Variants in HM13 observed in about 807,000 individuals in gnomAD.
HM13 encodes the protein signal peptide peptidase.
A neutral mutation model predicts 50.0 loss-of-function variants in HM13; 18 were observed. The ratio of observed to expected loss-of-function variants is 0.36; its 90% CI spans 0.25 to 0.53. The LOEUF (loss-of-function observed/expected upper bound fraction) is 0.53. HM13 is among the 20% of genes least tolerant of loss of function. HM13 has a pLI of 0.90. For synonymous variants in HM13, 197 were observed against 232.6 expected (o/e 0.85, Z 1.39); for missense variants, 393 against 552.4 (o/e 0.71, Z 2.89).
Position 31,547,719 on chromosome 20 carries a change from A to G in HM13, c.455-1310A>G, listed in dbSNP as rs1048168687. ...TAAGTGGGGAATTATTGTTTTTTAGACAAAGAAAGGGGCCTTTTTGTCCAA... is the reference window on the plus strand; with the variant it reads ...TAAGTGGGGAATTATTGTTTTTTAGGCAAAGAAAGGGGCCTTTTTGTCCAA... On this transcript the variant is annotated intron_variant, in intron 4 of 12. Coordinates refer to ENST00000398174, the MANE Select transcript of HM13 (RefSeq NM_178581.3). 23 of 1,220,780 alleles carry G rather than the reference A, an allele frequency of 1.9e-5. No individual in the cohort carries two copies. In the African/African-American group the frequency reaches 3.4e-4, roughly 18 times the overall value. 75.6% of individuals were successfully genotyped at this position (1,220,780 alleles called of 1,614,324 possible). A position where few individuals can be genotyped will look rare whatever the true frequency, so the allele number is the denominator to read the frequency against.
At chr20:31,532,549 A>G (rs917477868) in intron 2 of HM13, among the ~76,000 whole-genome samples, 4 of 150,566 alleles carry the variant, frequency 2.7e-5, no homozygotes, top group African/African-American at 9.8e-5. Context: ...ATCCACCTCC[A>G]TTTCCCACCT....
chr20:31,516,265 C>G (rs1040534874), intron 1 of HM13, among the ~76,000 whole-genome samples: 5 of 152,170 alleles, frequency 3.3e-5, no homozygotes, highest in Admixed American at 6.6e-5. Context: ...CTGAGCTGCT[C>G]TCCAAACTGA....
At chr20:31,527,683 AAATAAAGAAGAAAGAAAAATTAAT>A (rs1473634754) in intron 2 of HM13, 101 bp downstream of exon 2, 17 of 842,196 alleles carry the variant, frequency 2.0e-5, no homozygotes, top group Non-Finnish European at 3.0e-5. Context: ...CATTTATAGA[AAATAAAGAAGAAAGAAAAATTAAT>A]AATTCACCCA....
chr20:31,546,788 C>T (rs577544307), intron 4 of HM13, among the ~76,000 whole-genome samples: 12 of 150,096 alleles, frequency 8.0e-5, no homozygotes, highest in Non-Finnish European at 1.5e-4. Context: ...CTTGGCCAGG[C>T]GCGGTGGCTC....
At position 31,516,614 on chromosome 20, in the gene HM13, G is replaced by C. The variant is rs112644631; in HGVS notation, c.183+1880G>C. 5.4e-3 allele frequency among the ~76,000 whole-genome samples: 823 copies of C among 152,272 alleles called. 5 individuals carry two copies. Among genetic ancestry groups the C allele is most frequent in the Non-Finnish European group, 9.1e-3 (620 of 68,022 alleles). The stretch of plus-strand genomic sequence containing the variant: ...AAGGCATTCTAAGCAAAAGAAACCA[G>C]GTAAGCAGAGAGAGGTACGGAGGCA... On this transcript the variant is annotated intron_variant, in intron 1 of 12. Coordinates refer to ENST00000398174, the MANE Select transcript of HM13 (RefSeq NM_178581.3).
chr20:31,560,733 G>T (rs147248471), intron 9 of HM13, among the ~76,000 whole-genome samples: 38 of 152,364 alleles, frequency 2.5e-4, no homozygotes, highest in African/African-American at 7.7e-4. Flanking sequence ...AGCATAAGCA[G>T]CTCCTCAGCT....
intron 2 of HM13, among the ~76,000 whole-genome samples, chr20:31,536,311 C>T (rs1195294907): frequency 6.6e-6 from 1 of 152,120 alleles, no homozygotes; most frequent in Non-Finnish European, 1.5e-5. Flanking sequence ...TGCAGTGAGC[C>T]AAGATCGCAC....
intron 7 of HM13, among the ~76,000 whole-genome samples, chr20:31,551,858 C>G (rs1984051172): frequency 6.6e-6 from 1 of 152,156 alleles, no homozygotes; most frequent in Non-Finnish European, 1.5e-5. Flanking sequence ...ACAAACAGCT[C>G]CTGAATTCTG....
intron 6 of HM13, 41 bp downstream of exon 6, chr20:31,549,373 CCATCT>C: frequency 6.2e-7 from 1 of 1,612,414 alleles, no homozygotes; most frequent in Non-Finnish European, 8.5e-7. Flanking sequence ...GGCTCCGGGG[CCATCT>C]CATCTCATCA....
chr20:31,541,553 T>TAA (rs1983452765), intron 3 of HM13: 1 of 151,200 alleles, frequency 6.6e-6, no homozygotes. Context: ...CATATGGGGT[T>TAA]AAAGCTGGTC....
chr20:31,555,768 AGACCAGTCTG>A (rs1174690719), intron 8 of HM13, among the ~76,000 whole-genome samples: 1 of 151,852 alleles, frequency 6.6e-6, no homozygotes, highest in Non-Finnish European at 1.5e-5. Flanking sequence ...CAGGAGTTCA[AGACCAGTCTG>A]GACAACATAG....
chr20:31,518,080 G>A (rs1237499204), intron 1 of HM13, among the ~76,000 whole-genome samples: 1 of 150,826 alleles, frequency 6.6e-6, no homozygotes, highest in African/African-American at 2.4e-5. Flanking sequence ...TTGTTGCCCG[G>A]GCTGGAGTGC....
At chr20:31,553,813 C>T (rs1265985519) in intron 7 of HM13, among the ~76,000 whole-genome samples, 2 of 152,030 alleles carry the variant, frequency 1.3e-5, no homozygotes, top group Non-Finnish European at 2.9e-5. Flanking sequence ...CCTTTTCTCC[C>T]TCAGCAAATA....
chr20:31,544,966 T>C lies in HM13; in HGVS notation c.385T>C (p.Phe129Leu), dbSNP rs1188009163. The C allele has an allele frequency of 3.1e-6, 5 of 1,614,190 alleles. No individual in the cohort carries two copies. The South Asian group carries it at 5.5e-5, about 18-fold the overall frequency. The change falls in exon 4 of 13, where the codon TTT becomes CTT. Residue 129 changes from phenylalanine (F) to leucine (L), a missense_variant. Phe to Leu is a conservative substitution (Grantham distance 22). Coordinates refer to ENST00000398174, the MANE Select transcript of HM13 (RefSeq NM_178581.3). ...TTCCAGCCCCTTCATGAATAAGTTT[T>C]TTCCAGCCAGCTTTCCAAATCGACA... Reference protein sequence around the residue: ...HTISPFMNKFFPASFPNRQYQ... With the variant: ...HTISPFMNKFLPASFPNRQYQ...
chr20:31,568,021 C>T, intron 11 of HM13, 57 bp from the exon 12 acceptor site: 1 of 1,442,478 alleles, frequency 6.9e-7, no homozygotes, highest in Admixed American at 2.1e-5. Context: ...CTCTGTCCTC[C>T]CTTAGTCTTT....
chr20:31,565,300 G>C (rs1008996946), intron 10 of HM13, among the ~76,000 whole-genome samples: 4 of 151,272 alleles, frequency 2.6e-5, no homozygotes, highest in Non-Finnish European at 5.9e-5. Flanking sequence ...CGAACGTGGT[G>C]AAACCCCATC....
chr20:31,549,189 A>C lies in HM13; in HGVS notation c.541-18A>C. The C allele has an allele frequency of 6.2e-7, 1 of 1,613,798 alleles. No individual in the cohort carries two copies. The highest frequency in any genetic ancestry group is 8.5e-7 in the Non-Finnish European group (1 of 1,179,918). ...GGGTGGGTCACAGCAAGCTGGTCTC[A>C]CTCCCCGCTTTCCTCAGCACTGGAT... is the stretch of plus-strand genomic sequence containing the variant. On this transcript the variant is annotated intron_variant, in intron 5 of 12. Coordinates refer to ENST00000398174, the MANE Select transcript of HM13 (RefSeq NM_178581.3).
chr20:31,555,652 T>G (rs1158548964), intron 8 of HM13, among the ~76,000 whole-genome samples: 2 of 151,692 alleles, frequency 1.3e-5, no homozygotes, highest in African/African-American at 2.4e-5. Context: ...AGCCTCAGAG[T>G]GAGAGGGTTA....
At position 31,518,898 on chromosome 20, in the gene HM13, T is replaced by C. The variant is rs1981974608; in HGVS notation, c.183+4164T>C. Among the ~76,000 whole-genome samples, 3 of 151,734 alleles carry C rather than the reference T, an allele frequency of 2.0e-5. No homozygotes were observed. The South Asian group carries it at 6.2e-4, about 32-fold the overall frequency. ...AGAGAGAGAGAGATCTACCTCATCT[T>C]TTATGGTGGGGAGGGTAGGTAATAC... On this transcript the variant is annotated intron_variant, in intron 1 of 12. Transcript: ENST00000398174.
Sources: allele counts gnomAD v4.1 joint callset (sites outside exome capture counted in the v4.1 genomes callset), GRCh38; gene constraint gnomAD v4.1.1; transcripts MANE v1.5; gene names NCBI Gene and HGNC (gene_info 2026-07-23, HGNC 2026-07-21).